PTER: variants seen among roughly 807,000 people sequenced by gnomAD.
PTER encodes phosphotriesterase related.
A neutral mutation model predicts 29.6 loss-of-function variants in PTER; 38 were observed. That is an observed-to-expected ratio of 1.28 (90% confidence interval 0.99 to 1.68). The LOEUF (loss-of-function observed/expected upper bound fraction) is 1.68, where lower values mean the gene tolerates loss of function less well. PTER is among the 40% of genes most tolerant of loss of function. The pLI is 0.00. For synonymous variants in PTER, 172 were observed against 154.5 expected, an observed-to-expected ratio of 1.11 and a Z score of -0.84; for missense variants, 482 against 427.8, an observed-to-expected ratio of 1.13 and a Z score of -1.12.
intron 3 of PTER, among the ~76,000 whole-genome samples, chr10:16,487,806 TG>T (rs1386822004): frequency 1.3e-5 from 2 of 152,222 alleles, no homozygotes; most frequent in Non-Finnish European, 2.9e-5. Flanking sequence ...TCTTGCCTAT[TG>T]GAGTAAAGCC....
chr10:16,479,822 G>A (rs150015395), intron 1 of PTER, among the ~76,000 whole-genome samples: 55 of 151,740 alleles, frequency 3.6e-4, no homozygotes, highest in African/African-American at 1.3e-3. Context: ...CAGGTACAAC[G>A]GGCCCCCTCC....
At chr10:16,481,456 C>G (rs868484579) in intron 1 of PTER, among the ~76,000 whole-genome samples, 2 of 152,178 alleles carry the variant, frequency 1.3e-5, no homozygotes, top group Non-Finnish European at 1.5e-5. Context: ...GCACAGGAAG[C>G]GTGTATTCTA....
chr10:16,485,988 A>C (rs1164391787), intron 2 of PTER, among the ~76,000 whole-genome samples: 1 of 152,146 alleles, frequency 6.6e-6, no homozygotes, highest in African/African-American at 2.4e-5. Context: ...CATAGATTCA[A>C]TTCATTGGCG....
chr10:16,499,643 C>T (rs1053367203), intron 3 of PTER, among the ~76,000 whole-genome samples: 16 of 151,930 alleles, frequency 1.1e-4, no homozygotes, highest in Middle Eastern at 3.2e-3. Flanking sequence ...GGGGTTTTGC[C>T]ATGTTGCCCA....
At chr10:16,485,116 G>C (rs1030309018) in intron 2 of PTER, among the ~76,000 whole-genome samples, 4 of 152,134 alleles carry the variant, frequency 2.6e-5, no homozygotes, top group African/African-American at 7.2e-5. Flanking sequence ...TGTGTGTATC[G>C]TATCTGTCCT....
At chr10:16,508,458 G>A (rs995839272) in intron 4 of PTER, among the ~76,000 whole-genome samples, 5 of 152,080 alleles carry the variant, frequency 3.3e-5, no homozygotes, top group Admixed American at 2.0e-4. Flanking sequence ...GTAGTGAGGT[G>A]CATCTTTTGC....
chr10:16,491,594 C>A (rs1398904675), intron 3 of PTER, among the ~76,000 whole-genome samples: 1 of 152,070 alleles, frequency 6.6e-6, no homozygotes, highest in Admixed American at 6.6e-5. Context: ...AACAAGGCCT[C>A]CAAAAAATAA....
chr10:16,491,041 A>G (rs1835881803), intron 3 of PTER, among the ~76,000 whole-genome samples: 1 of 152,088 alleles, frequency 6.6e-6, no homozygotes, highest in African/African-American at 2.4e-5. Context: ...AAGATACATT[A>G]CCAGATTTCC....
intron 3 of PTER, among the ~76,000 whole-genome samples, chr10:16,499,373 G>T (rs1423828874): frequency 1.3e-5 from 2 of 151,696 alleles, no homozygotes; most frequent in Non-Finnish European, 2.9e-5. Flanking sequence ...AGTTTGCTTT[G>T]TCAATAAGAA....
chr10:16,473,019 CA>C (rs375172424), intron 1 of PTER, among the ~76,000 whole-genome samples: 445 of 134,648 alleles, frequency 3.3e-3, no homozygotes, highest in Non-Finnish European at 4.0e-3. Flanking sequence ...AAACTTCAAC[CA>C]AAAAAAAAAA....
intron 1 of PTER, among the ~76,000 whole-genome samples, chr10:16,438,600 C>T (rs34987969): frequency 0.46 from 68,219 of 149,422 alleles, 15,836 homozygotes; most frequent in Middle Eastern, 0.65. Context: ...TGAGCCACTG[C>T]GCCTGGCCTG....
At chr10:16,456,991 C>T (rs1834425872) in intron 1 of PTER, among the ~76,000 whole-genome samples, 1 of 151,994 alleles carries the variant, frequency 6.6e-6, no homozygotes, top group South Asian at 2.1e-4. Flanking sequence ...GATTGTGAGG[C>T]TTCTCTAGCC....
intron 1 of PTER, among the ~76,000 whole-genome samples, chr10:16,470,466 C>G (rs1215574488): frequency 6.6e-6 from 1 of 152,208 alleles, no homozygotes; most frequent in Non-Finnish European, 1.5e-5. Flanking sequence ...GCTTTTCGCC[C>G]TCCATTAAAA....
chr10:16,484,426 T>C lies in PTER; in HGVS notation c.42T>C (p.Leu14=), dbSNP rs1199009276. The part of the protein sequence containing the change: ...LSGKVQTVLG[L]VEPSKLGRTL... ...GAAAAGTCCAAACCGTTTTGGGCCTTGTAGAGCCAAGCAAACTGGGCCGTA... is the reference window on the plus strand; with the variant it reads ...GAAAAGTCCAAACCGTTTTGGGCCTCGTAGAGCCAAGCAAACTGGGCCGTA... Residue 14 remains leucine (L), a synonymous_variant, in exon 2 of 5, where the codon CTT becomes CTC. Coordinates refer to ENST00000535784, the MANE Select transcript of PTER (RefSeq NM_001261836.2). 2 of 1,612,208 alleles carry C rather than the reference T, an allele frequency of 1.2e-6. No individual in the cohort carries two copies. The highest frequency in any genetic ancestry group is 1.7e-6 in the Non-Finnish European group (2 of 1,179,560).
intron 1 of PTER, among the ~76,000 whole-genome samples, chr10:16,463,442 G>C (rs149900029): frequency 6.6e-6 from 1 of 151,928 alleles, no homozygotes. Context: ...ACCAAGTCTC[G>C]CTCTTATCAC....
At chr10:16,461,966 G>T (rs1411366072) in intron 1 of PTER, among the ~76,000 whole-genome samples, 1 of 150,946 alleles carries the variant, frequency 6.6e-6, no homozygotes, top group Admixed American at 6.6e-5. Context: ...TTTACTGGAA[G>T]CCATGACCGT....
At chr10:16,466,857 C>T (rs1364783918) in intron 1 of PTER, among the ~76,000 whole-genome samples, 1 of 152,162 alleles carries the variant, frequency 6.6e-6, no homozygotes, top group East Asian at 1.9e-4. Flanking sequence ...ACGGCCTTAG[C>T]AAGAAATTCC....
At chr10:16,510,458 G>T (rs936896427) in intron 4 of PTER, among the ~76,000 whole-genome samples, 3 of 152,174 alleles carry the variant, frequency 2.0e-5, no homozygotes, top group African/African-American at 7.2e-5. Context: ...CTTCAAAGGG[G>T]CAAATGGTTA....
At chr10:16,456,861 G>GT (rs1038131896) in intron 1 of PTER, among the ~76,000 whole-genome samples, 5 of 116,036 alleles carry the variant, frequency 4.3e-5, no homozygotes, top group African/African-American at 4.0e-5. Flanking sequence ...CATGGGGAAG[G>GT]TGGGGGGGGG....
Sources: gnomAD v4.1 joint callset for allele counts (sites outside exome capture counted in the v4.1 genomes callset) on GRCh38, gnomAD v4.1.1 for gene constraint, MANE v1.5 for transcripts, NCBI Gene and HGNC (gene_info 2026-07-23, HGNC 2026-07-21) for gene names.